Variants in ADAMTSL1 observed in about 807,000 individuals in gnomAD.
ADAMTSL1 encodes ADAMTS-like protein 1.
A neutral mutation model predicts 201.8 loss-of-function variants in ADAMTSL1; 126 were observed. The observed-to-expected ratio is 0.62, with a 90% CI of 0.54 to 0.72. The LOEUF (loss-of-function observed/expected upper bound fraction) is 0.72. Among genes scored for constraint, ADAMTSL1 ranks in the 30% least tolerant of loss-of-function variants. ADAMTSL1 has a pLI of 0.00. For missense variants in ADAMTSL1, 2,679 were observed against 2,277.8 expected (o/e 1.18, Z -3.59); for synonymous variants, 1,121 against 903.4 (o/e 1.24, Z -4.32).
chr9:18,022,758 T>C (rs1820531235), intron 1 of ADAMTSL1, among the ~76,000 whole-genome samples: 1 of 152,184 alleles, frequency 6.6e-6, no homozygotes, highest in African/African-American at 2.4e-5. Context: ...TGAATTCTTC[T>C]TTCCTATTGT....
intron 1 of ADAMTSL1, among the ~76,000 whole-genome samples, chr9:18,125,719 AAAGTCAAT>A (rs1825704198): frequency 6.6e-6 from 1 of 152,204 alleles, no homozygotes; most frequent in Non-Finnish European, 1.5e-5. Flanking sequence ...ACCTTTATTG[AAAGTCAAT>A]TAACCACAAA....
intron 1 of ADAMTSL1, among the ~76,000 whole-genome samples, chr9:18,139,021 A>G (rs1036686859): frequency 6.6e-6 from 1 of 152,096 alleles, no homozygotes; most frequent in Non-Finnish European, 1.5e-5. Context: ...GCAGGAGATT[A>G]CCTCACCTGT....
intron 1 of ADAMTSL1, among the ~76,000 whole-genome samples, chr9:17,978,557 G>A (rs761820779): frequency 1.3e-4 from 20 of 151,486 alleles, no homozygotes; most frequent in South Asian, 6.2e-4. Flanking sequence ...GATTGCTTAT[G>A]AAAACACTAT....
At chr9:18,819,617 C>G (rs1474764505) in intron 21 of ADAMTSL1, among the ~76,000 whole-genome samples, 3 of 152,206 alleles carry the variant, frequency 2.0e-5, no homozygotes, top group Non-Finnish European at 4.4e-5. Flanking sequence ...CTAGGGCCCT[C>G]TCTCTGGGAC....
chr9:18,126,754 G>C (rs1825747170), intron 1 of ADAMTSL1, among the ~76,000 whole-genome samples: 1 of 152,172 alleles, frequency 6.6e-6, no homozygotes, highest in African/African-American at 2.4e-5. Context: ...GTATTGAATA[G>C]TTATCCAAAC....
rs532842913 is a variant in ADAMTSL1 at position 18,874,361 on chromosome 9, T to A, written c.4250-13470T>A. Among the ~76,000 whole-genome samples the A allele has an allele frequency of 1.2e-4, 18 of 152,286 alleles. 1 individual carries two copies. The highest frequency in any genetic ancestry group is 4.1e-4 in the African/African-American group (17 of 41,562). On this transcript the variant is annotated intron_variant, in intron 23 of 28. Coordinates refer to ENST00000380548, the MANE Select transcript of ADAMTSL1 (RefSeq NM_001040272.6). The stretch of plus-strand genomic sequence containing the variant: ...TGAAGAGAAGCGGTAAAAGTGGGCA[T>A]TCTTGTCTTGTTCTGGTTCTCAGGG...
intron 2 of ADAMTSL1, among the ~76,000 whole-genome samples, chr9:18,400,686 T>C (rs1817952968): frequency 6.6e-6 from 1 of 152,210 alleles, no homozygotes; most frequent in Non-Finnish European, 1.5e-5. Flanking sequence ...ATATGTCTAA[T>C]AAATGGAGGA....
Position 17,926,123 on chromosome 9 carries a change from G to A in ADAMTSL1, c.87+19201G>A, listed in dbSNP as rs564972685. Among the ~76,000 whole-genome samples the A allele has an allele frequency of 1.4e-4, 22 of 152,148 alleles. No individual in the cohort carries two copies. The East Asian group carries it at 4.3e-3, about 29-fold the overall frequency. ...TCTACTGCATATGGAAAGGAAAGAA[G>A]TTTTCTTTATTGTTAATAATCATTG... On this transcript the variant is annotated intron_variant, in intron 1 of 29. Transcript: ENST00000680146.
chr9:18,717,088 G>C (rs1370336226), intron 14 of ADAMTSL1, among the ~76,000 whole-genome samples: 2 of 147,386 alleles, frequency 1.4e-5, no homozygotes, highest in Non-Finnish European at 3.0e-5. Flanking sequence ...ACTGTGGTGG[G>C]GTGGGGGGAC....
chr9:18,231,886 C>T (rs1830658307), intron 2 of ADAMTSL1, among the ~76,000 whole-genome samples: 1 of 152,174 alleles, frequency 6.6e-6, no homozygotes, highest in South Asian at 2.1e-4. Flanking sequence ...CTCAGTCTTA[C>T]CACCTTTACT....
At chr9:17,951,670 A>G (rs1028179597) in intron 1 of ADAMTSL1, among the ~76,000 whole-genome samples, 3 of 148,238 alleles carry the variant, frequency 2.0e-5, no homozygotes, top group Non-Finnish European at 3.0e-5. Flanking sequence ...ATTGATCTGG[A>G]GGAATTCTTT....
intron 21 of ADAMTSL1, among the ~76,000 whole-genome samples, chr9:18,819,604 C>T (rs969046415): frequency 3.3e-5 from 5 of 152,272 alleles, no homozygotes; most frequent in Non-Finnish European, 7.4e-5. Flanking sequence ...TCTATTGTGC[C>T]GCCTAGGGCC....
chr9:18,297,979 T>G (rs1833540390), intron 2 of ADAMTSL1, among the ~76,000 whole-genome samples: 1 of 152,216 alleles, frequency 6.6e-6, no homozygotes, highest in Admixed American at 6.5e-5. Flanking sequence ...TTCACCTGTT[T>G]CTTTAACATG....
At chr9:17,969,896 T>C (rs562446826) in intron 1 of ADAMTSL1, among the ~76,000 whole-genome samples, 13 of 152,194 alleles carry the variant, frequency 8.5e-5, no homozygotes, top group African/African-American at 3.1e-4. Flanking sequence ...TTACATGCTA[T>C]ATTAAAAGTC....
At chr9:17,980,923 A>C (rs920710664) in intron 1 of ADAMTSL1, among the ~76,000 whole-genome samples, 2 of 151,568 alleles carry the variant, frequency 1.3e-5, no homozygotes, top group African/African-American at 2.4e-5. Context: ...GTAGAGATCA[A>C]ACTGGGGGAG....
chr9:18,414,020 G>A (rs532559105), intron 2 of ADAMTSL1, among the ~76,000 whole-genome samples: 8 of 152,286 alleles, frequency 5.3e-5, no homozygotes, highest in African/African-American at 1.9e-4. Flanking sequence ...AGAGCAAAGG[G>A]ACTTGCCAGT....
At chr9:18,821,597 C>T (rs1025480843) in intron 21 of ADAMTSL1, among the ~76,000 whole-genome samples, 4 of 152,164 alleles carry the variant, frequency 2.6e-5, no homozygotes, top group African/African-American at 7.2e-5. Context: ...GAACAGCTAT[C>T]GTTGTCTGCC....
upstream of ADAMTSL1, among the ~76,000 whole-genome samples, chr9:18,469,111 C>T (rs1489580504): frequency 6.6e-6 from 1 of 152,210 alleles, no homozygotes; most frequent in African/African-American, 2.4e-5. Context: ...TCCTTAGTTT[C>T]TTTTCATTAC....
intron 2 of ADAMTSL1, among the ~76,000 whole-genome samples, chr9:18,353,830 A>G (rs775619505): frequency 2.0e-5 from 3 of 152,126 alleles, no homozygotes; most frequent in Non-Finnish European, 4.4e-5. Flanking sequence ...CAAAATGAAA[A>G]TAGCCTTATT....
Sources: allele counts gnomAD v4.1 joint callset (sites outside exome capture counted in the v4.1 genomes callset), GRCh38; gene constraint gnomAD v4.1.1; transcripts MANE v1.5; gene names NCBI Gene and HGNC (gene_info 2026-07-23, HGNC 2026-07-21).